MAPK8IP3: variants seen among roughly 807,000 people sequenced by gnomAD.
The protein encoded by MAPK8IP3 is C-Jun-amino-terminal kinase-interacting protein 3.
A neutral mutation model predicts 157.8 loss-of-function variants in MAPK8IP3; 49 were observed. The observed-to-expected ratio is 0.31, with a 90% CI of 0.25 to 0.39. The LOEUF (loss-of-function observed/expected upper bound fraction) is 0.39. MAPK8IP3 is among the 10% of genes least tolerant of loss of function. The pLI is 1.00. For synonymous variants in MAPK8IP3, 897 were observed against 777.7 expected, an observed-to-expected ratio of 1.15 and a Z score of -2.55; for missense variants, 1,478 against 1,889.4, an observed-to-expected ratio of 0.78 and a Z score of 4.04.
chr16:1,735,244 C>A (rs181111503), intron 4 of MAPK8IP3, among the ~76,000 whole-genome samples: 1 of 150,288 alleles, frequency 6.7e-6, no homozygotes, highest in Non-Finnish European at 1.5e-5. Flanking sequence ...ATGTGACCAT[C>A]GGTGTGAGCA....
chr16:1,768,876 C>G lies in MAPK8IP3; in HGVS notation c.*52C>G, dbSNP rs2042448782. ...GTACATAGGACCCCCGACCACCTGACCCCCGCCCGGCCCGCGGGGTAGCCA... is the reference window on the plus strand; with the variant it reads ...GTACATAGGACCCCCGACCACCTGAGCCCCGCCCGGCCCGCGGGGTAGCCA... On this transcript the variant is annotated 3_prime_UTR_variant, in exon 32 of 32. Transcript: ENST00000610761. The G allele has an allele frequency of 6.3e-7, 1 of 1,593,288 alleles. No individual in the cohort carries two copies. Among genetic ancestry groups the G allele is most frequent in the Non-Finnish European group, 8.5e-7 (1 of 1,170,642 alleles).
intron 13 of MAPK8IP3, 136 bp downstream of exon 13, chr16:1,761,441 T>C: frequency 1.4e-6 from 1 of 731,518 alleles, no homozygotes; most frequent in Non-Finnish European, 2.4e-6. Flanking sequence ...CCATTCACCA[T>C]TCACAGGCAG....
At chr16:1,745,170 G>A in intron 5 of MAPK8IP3, 1 of 985,480 alleles carries the variant, frequency 1.0e-6, no homozygotes, top group Non-Finnish European at 1.2e-6. Flanking sequence ...GGAGAGCTAG[G>A]GGAGGCGCAA....
intron 1 of MAPK8IP3, among the ~76,000 whole-genome samples, chr16:1,711,151 C>A (rs566078818): frequency 6.6e-6 from 1 of 152,218 alleles, no homozygotes. Context: ...TTTTAAAAAC[C>A]ATTTTGAAAT....
At chr16:1,731,328 A>G (rs545561367) in intron 4 of MAPK8IP3, among the ~76,000 whole-genome samples, 1 of 152,314 alleles carries the variant, frequency 6.6e-6, no homozygotes, top group East Asian at 1.9e-4. Context: ...AGCCTGTCTC[A>G]AAAAAGAAAG....
chr16:1,718,325 C>T (rs35880645), intron 1 of MAPK8IP3, among the ~76,000 whole-genome samples: 20,267 of 151,520 alleles, frequency 0.13, 2,144 homozygotes, highest in African/African-American at 0.3. Flanking sequence ...GCTGGGATTA[C>T]AGGCATGCAT....
rs2042273045 is a variant in MAPK8IP3 at position 1,766,555 on chromosome 16, G to C, written c.2846G>C (p.Ser949Thr). Residue 949 changes from serine to threonine, a missense_variant, in exon 23 of 32, where the codon AGC becomes ACC. Ser to Thr is a moderately conservative substitution (Grantham distance 58). This residue lies in a region of MAPK8IP3 where 669 missense variants were observed against 759.8 expected (regional missense o/e 0.88). Transcript: ENST00000610761. The stretch of plus-strand genomic sequence containing the variant: ...GAGAACGGGCCAGAGCCTGACAGCA[G>C]CAGCACACGGCCAGAGCCAGAGCCC... ...GSENGPEPDS[S>T]STRPEPEPSG... The C allele has an allele frequency of 2.5e-6, 4 of 1,612,082 alleles. No homozygotes were observed. Among genetic ancestry groups the C allele is most frequent in the African/African-American group, 2.7e-5 (2 of 74,938 alleles).
rs140086151 is a variant in MAPK8IP3, at chr16:1,754,958, C to T, written c.1217-3190C>T. ...CAGCCCCACCGTTCCCACAGGAATC[C>T]GTTCATTACCAGTAAAAATACCCAC... On this transcript the variant is annotated intron_variant, in intron 8 of 31. Transcript: ENST00000610761. Among the ~76,000 whole-genome samples, 311 of 152,272 alleles carry T rather than the reference C, an allele frequency of 2.0e-3. 5 individuals are homozygous for T. Among genetic ancestry groups the T allele is most frequent in the Non-Finnish European group, 5.1e-4 (35 of 68,022 alleles).
intron 2 of MAPK8IP3, among the ~76,000 whole-genome samples, chr16:1,727,563 T>TGTGTGAGGTGCTGTGTCTAAGTCGTGC (rs1224348577): frequency 1.3e-5 from 2 of 151,036 alleles, no homozygotes; most frequent in Non-Finnish European, 1.5e-5. Flanking sequence ...CTAAGTCGTG[T>TGTGTGAGGTGCTGTGTCTAAGTCGTGC]GTGTGAGGTG....
At chr16:1,731,739 A>T (rs1056189197) in intron 4 of MAPK8IP3, among the ~76,000 whole-genome samples, 2 of 152,228 alleles carry the variant, frequency 1.3e-5, no homozygotes, top group African/African-American at 4.8e-5. Flanking sequence ...AGGAAGTAGA[A>T]CTGACCGGAA....
chr16:1,727,941 C>T (rs2039002343), intron 2 of MAPK8IP3, among the ~76,000 whole-genome samples: 1 of 152,224 alleles, frequency 6.6e-6, no homozygotes, highest in Admixed American at 6.5e-5. Context: ...TGGGAGGGCA[C>T]CACGCCGAGG....
chr16:1,765,741 C>T (rs1417146353), intron 20 of MAPK8IP3, among the ~76,000 whole-genome samples: 20 of 152,222 alleles, frequency 1.3e-4, no homozygotes, highest in Non-Finnish European at 2.5e-4. Context: ...CTCAGCTCCC[C>T]TTGGCCCAGG....
At chr16:1,749,804 G>T (rs976195194) in intron 8 of MAPK8IP3, among the ~76,000 whole-genome samples, 2 of 152,232 alleles carry the variant, frequency 1.3e-5, no homozygotes, top group African/African-American at 4.8e-5. Context: ...ATCTGGGGCA[G>T]GGGGACCTCC....
At chr16:1,735,146 G>A (rs964630108) in intron 4 of MAPK8IP3, 3 of 151,938 alleles carry the variant, frequency 2.0e-5, no homozygotes, top group Non-Finnish European at 2.9e-5. Context: ...GTCCCTCTTG[G>A]GTGCCTGTGT....
In MAPK8IP3 at chr16:1,764,133, C is replaced by T. The variant is rs2042116900; in HGVS notation, c.2044C>T (p.Gln682Ter). ...KYKQLSPNGG[Q>*]EDTRMKNVPV... ...CCTGCAGCTGAGTCCCAACGGGGGC[C>T]AGGAGGACACGCGGATGAAGAACGT... The change falls in exon 18 of 32, where the codon CAG becomes TAG. Residue 682 changes from glutamine to a stop codon, truncating the protein, a stop_gained. Transcript: ENST00000610761. LOFTEE classifies it high-confidence loss of function. 6.2e-7 allele frequency: 1 copy of T among 1,610,476 alleles called. No homozygotes were observed. Among genetic ancestry groups the T allele is most frequent in the Non-Finnish European group, 8.5e-7 (1 of 1,179,080 alleles).
At position 1,727,339 on chromosome 16, in the gene MAPK8IP3, C is replaced by T. The variant is rs115914722; in HGVS notation, c.440-1799C>T. Among the ~76,000 whole-genome samples, 330 of 148,058 alleles carry T rather than the reference C, an allele frequency of 2.2e-3. 4 individuals are homozygous for T. Among genetic ancestry groups the T allele is most frequent in the African/African-American group, 7.9e-3 (316 of 39,978 alleles). On this transcript the variant is annotated intron_variant, in intron 2 of 31. Transcript: ENST00000610761. ...TGCTGTGTGCGGCGTCTGTGTGAGT[C>T]GTGTGCTGTGTGCAGCGTCTGTGAG...
chr16:1,748,532 G>A, intron 7 of MAPK8IP3, 70 bp from the exon 8 acceptor site: 2 of 1,332,956 alleles, frequency 1.5e-6, no homozygotes, highest in Non-Finnish European at 1.1e-6. Flanking sequence ...TGTTGGAAGA[G>A]TCTGCAGACG....
In MAPK8IP3 at chr16:1,759,509, C is replaced by A. The variant is rs569389199; in HGVS notation, c.1247-449C>A. Among the ~76,000 whole-genome samples the A allele has an allele frequency of 3.5e-4, 53 of 152,300 alleles. 1 individual carries two copies. In the South Asian group the frequency reaches 0.01, roughly 29 times the overall value. On this transcript the variant is annotated intron_variant, in intron 10 of 31. Coordinates refer to ENST00000610761, the MANE Select transcript of MAPK8IP3 (RefSeq NM_001318852.2). ...AGGAGCCTTCAGTCCTGCCAGGGAG[C>A]CCTGTCCTCACAGCCGCGCCCCATC...
At chr16:1,763,966 A>G in intron 17 of MAPK8IP3, 149 bp from the exon 18 acceptor site, 1 of 1,061,546 alleles carries the variant, frequency 9.4e-7, no homozygotes, top group Non-Finnish European at 1.3e-6. Flanking sequence ...AGGGTCGGAG[A>G]AGGAGCCCCG....
Sources: gnomAD v4.1 joint callset for allele counts (sites outside exome capture counted in the v4.1 genomes callset) on GRCh38, gnomAD v4.1.1 for gene constraint, gnomAD v4.1.1 regional missense constraint, MANE v1.5 for transcripts, NCBI Gene and HGNC (gene_info 2026-07-23, HGNC 2026-07-21) for gene names.